Variants in PDE4D observed in about 807,000 individuals in gnomAD.
PDE4D encodes the protein phosphodiesterase 4D, also known as 3',5'-cyclic-AMP phosphodiesterase 4D.
A neutral mutation model predicts 87.4 loss-of-function variants in PDE4D; 24 were observed. The ratio of observed to expected loss-of-function variants is 0.27; its 90% CI spans 0.20 to 0.39. The LOEUF (loss-of-function observed/expected upper bound fraction) is 0.39. PDE4D is among the 10% of genes least tolerant of loss of function. The pLI, the probability that PDE4D is intolerant of heterozygous loss-of-function variation, is 1.00. For synonymous variants in PDE4D, 384 were observed against 383.2 expected (o/e 1.00, Z -0.02); for missense variants, 714 against 1,041.0 (o/e 0.69, Z 4.32).
At chr5:60,379,659 G>T (rs1761706979) in intron 1 of PDE4D, among the ~76,000 whole-genome samples, 1 of 152,156 alleles carries the variant, frequency 6.6e-6, no homozygotes, top group Non-Finnish European at 1.5e-5. Context: ...GGGCCTACAG[G>T]TTCTTTGTAG....
At chr5:60,303,013 G>A (rs1235459785) in intron 1 of PDE4D, among the ~76,000 whole-genome samples, 2 of 151,880 alleles carry the variant, frequency 1.3e-5, no homozygotes, top group Admixed American at 6.6e-5. Flanking sequence ...ATTTTTAGTA[G>A]AGACAGGGTT....
chr5:59,256,551 CA>C (rs1031893185), intron 1 of PDE4D, among the ~76,000 whole-genome samples: 6 of 151,688 alleles, frequency 4.0e-5, no homozygotes, highest in South Asian at 4.2e-4. Context: ...AAACTGTTGT[CA>C]AAAAAAATTG....
At chr5:59,378,687 C>A (rs1785170391) in intron 1 of PDE4D, among the ~76,000 whole-genome samples, 1 of 152,170 alleles carries the variant, frequency 6.6e-6, no homozygotes, top group Non-Finnish European at 1.5e-5. Flanking sequence ...CTACTCAAAA[C>A]AATCACGAGG....
At chr5:59,845,374 T>C (rs1048048626) in intron 1 of PDE4D, among the ~76,000 whole-genome samples, 1 of 152,072 alleles carries the variant, frequency 6.6e-6, no homozygotes, top group Non-Finnish European at 1.5e-5. Context: ...CACCTATATA[T>C]TGTCCCAGCT....
intron 2 of PDE4D, among the ~76,000 whole-genome samples, chr5:60,147,123 C>A (rs1205357962): frequency 6.6e-6 from 1 of 152,074 alleles, no homozygotes; most frequent in Non-Finnish European, 1.5e-5. Context: ...CTATGAGCAG[C>A]CCTATAGGAA....
At chr5:59,983,019 T>C (rs1762086611) in intron 3 of PDE4D, among the ~76,000 whole-genome samples, 1 of 152,180 alleles carries the variant, frequency 6.6e-6, no homozygotes, top group Non-Finnish European at 1.5e-5. Context: ...ATTCCTACTT[T>C]TGCTTTTTTA....
At chr5:59,322,667 T>C (rs1245525442) in intron 1 of PDE4D, among the ~76,000 whole-genome samples, 1 of 152,128 alleles carries the variant, frequency 6.6e-6, no homozygotes, top group Admixed American at 6.6e-5. Flanking sequence ...CTCAGTGATA[T>C]TGGGTTTAGT....
chr5:59,374,004 C>G (rs1325312584), intron 1 of PDE4D, among the ~76,000 whole-genome samples: 1 of 152,126 alleles, frequency 6.6e-6, no homozygotes, highest in Non-Finnish European at 1.5e-5. Context: ...ACCAGACATG[C>G]CTTACAAGAA....
chr5:59,285,811 G>A (rs1281909197), intron 1 of PDE4D, among the ~76,000 whole-genome samples: 1 of 152,116 alleles, frequency 6.6e-6, no homozygotes, highest in Non-Finnish European at 1.5e-5. Flanking sequence ...GAGGGTGTTT[G>A]TGTCATCTTA....
At chr5:59,684,775 G>A (rs1580398699) in intron 1 of PDE4D, among the ~76,000 whole-genome samples, 1 of 152,184 alleles carries the variant, frequency 6.6e-6, no homozygotes, top group African/African-American at 2.4e-5. Context: ...AGCACAGAGG[G>A]CATGTTGTGG....
intron 1 of PDE4D, among the ~76,000 whole-genome samples, chr5:59,545,935 T>C (rs908342123): frequency 2.0e-5 from 3 of 152,188 alleles, no homozygotes; most frequent in African/African-American, 7.2e-5. Flanking sequence ...AGTCAAATAC[T>C]CACTTGCATT....
At chr5:59,235,978 C>T (rs1417085997) in intron 1 of PDE4D, among the ~76,000 whole-genome samples, 5 of 152,118 alleles carry the variant, frequency 3.3e-5, no homozygotes, top group Admixed American at 1.3e-4. Flanking sequence ...AAGAATATTT[C>T]AGAAAAATAT....
chr5:60,076,934 C>T (rs769822034), intron 2 of PDE4D, among the ~76,000 whole-genome samples: 2 of 152,226 alleles, frequency 1.3e-5, no homozygotes, highest in East Asian at 3.9e-4. Context: ...GGCGACATGG[C>T]TTGGGGGCGG....
At chr5:59,084,362 TAGA>T (rs986408184) in intron 5 of PDE4D, among the ~76,000 whole-genome samples, 3 of 151,912 alleles carry the variant, frequency 2.0e-5, no homozygotes, top group African/African-American at 7.2e-5. Context: ...GATTAAATAC[TAGA>T]AGAAAATATT....
At chr5:60,476,452 T>C (rs1490405988) in intron 1 of PDE4D, among the ~76,000 whole-genome samples, 1 of 152,124 alleles carries the variant, frequency 6.6e-6, no homozygotes, top group Non-Finnish European at 1.5e-5. Context: ...GCCTCCCAAC[T>C]TCCACCCTTG....
intron 1 of PDE4D, among the ~76,000 whole-genome samples, chr5:59,591,382 T>C (rs966612934): frequency 6.6e-6 from 1 of 152,184 alleles, no homozygotes; most frequent in African/African-American, 2.4e-5. Flanking sequence ...AGGTTGGGTA[T>C]TTCCTAGACT....
chr5:59,092,925 T>C (rs1437851606), intron 5 of PDE4D, among the ~76,000 whole-genome samples: 1 of 152,180 alleles, frequency 6.6e-6, no homozygotes, highest in African/African-American at 2.4e-5. Flanking sequence ...ATCGTTCCCC[T>C]GGATTTCCAG....
At chr5:59,256,707 T>A (rs988268588) in intron 1 of PDE4D, among the ~76,000 whole-genome samples, 1 of 151,986 alleles carries the variant, frequency 6.6e-6, no homozygotes, top group Non-Finnish European at 1.5e-5. Flanking sequence ...CATTTTGGAG[T>A]TGTTTTTGAG....
chr5:59,861,422 C>A (rs774579962), intron 1 of PDE4D, among the ~76,000 whole-genome samples: 5 of 152,106 alleles, frequency 3.3e-5, no homozygotes, highest in Non-Finnish European at 7.3e-5. Context: ...TAAAATAGGT[C>A]ATTGACATAG....
Sources: gnomAD v4.1 joint callset for allele counts (sites outside exome capture counted in the v4.1 genomes callset) on GRCh38, gnomAD v4.1.1 for gene constraint, MANE v1.5 for transcripts, NCBI Gene and HGNC (gene_info 2026-07-23, HGNC 2026-07-21) for gene names.